Variants in TENM2 observed in about 807,000 individuals in gnomAD.
The protein encoded by TENM2 is teneurin transmembrane protein 2.
Under a neutral mutation model 245.2 loss-of-function variants are expected in TENM2, and 52 were observed. The observed-to-expected ratio is 0.21, with a 90% CI of 0.17 to 0.27. The LOEUF (loss-of-function observed/expected upper bound fraction) is 0.27, where lower values mean the gene tolerates loss of function less well. TENM2 is among the 10% of genes least tolerant of loss of function. TENM2 has a pLI of 1.00. For missense variants in TENM2, 3,046 were observed against 3,666.8 expected, an observed-to-expected ratio of 0.83 and a Z score of 4.37; for synonymous variants, 1,363 against 1,438.9, an observed-to-expected ratio of 0.95 and a Z score of 1.19.
intron 2 of TENM2, among the ~76,000 whole-genome samples, chr5:167,418,827 T>C (rs972886533): frequency 6.6e-6 from 1 of 152,106 alleles, no homozygotes; most frequent in Non-Finnish European, 1.5e-5. Flanking sequence ...TAAAAGCAAT[T>C]AGTGATGTGG....
the TENM2 span, among the ~76,000 whole-genome samples, chr5:167,249,511 T>G: frequency 6.6e-6 from 1 of 152,134 alleles, no homozygotes; most frequent in Non-Finnish European, 1.5e-5. Context: ...GTCCTTATAT[T>G]CGACAAGTAT....
chr5:167,384,301 A>C (rs906076942), intron 2 of TENM2, among the ~76,000 whole-genome samples: 12 of 152,150 alleles, frequency 7.9e-5, no homozygotes, highest in African/African-American at 2.7e-4. Flanking sequence ...AAGCTTTGAG[A>C]AGGTATGGTT....
intron 9 of TENM2, among the ~76,000 whole-genome samples, chr5:168,116,940 C>T (rs1028976584): frequency 2.0e-5 from 3 of 152,172 alleles, no homozygotes; most frequent in Admixed American, 1.3e-4. Context: ...ACACCTGCAT[C>T]CGTCATTTCT....
intron 2 of TENM2, among the ~76,000 whole-genome samples, chr5:167,599,887 C>A (rs186242643): frequency 5.9e-5 from 9 of 152,026 alleles, no homozygotes; most frequent in Admixed American, 3.9e-4. Context: ...TGGCTCACAC[C>A]TGCAGTCTCC....
chr5:167,665,265 C>A (rs1755494522), intron 2 of TENM2, among the ~76,000 whole-genome samples: 1 of 152,190 alleles, frequency 6.6e-6, no homozygotes, highest in South Asian at 2.1e-4. Context: ...CAAGGCTTGG[C>A]ATACAGTAAA....
the TENM2 span, among the ~76,000 whole-genome samples, chr5:167,102,783 C>T: frequency 6.6e-6 from 1 of 152,258 alleles, no homozygotes; most frequent in Middle Eastern, 3.4e-3. Flanking sequence ...CTCAGCCTCC[C>T]GAGTAGCTGG....
chr5:168,212,327 G>A (rs1762855844), intron 20 of TENM2, among the ~76,000 whole-genome samples: 1 of 152,106 alleles, frequency 6.6e-6, no homozygotes, highest in African/African-American at 2.4e-5. Context: ...AAACCGCCTT[G>A]GTCATTACAT....
chr5:167,310,918 G>T (rs1252717332), intron 1 of TENM2, among the ~76,000 whole-genome samples: 1 of 152,106 alleles, frequency 6.6e-6, no homozygotes, highest in Non-Finnish European at 1.5e-5. Context: ...CAACAGCTAG[G>T]GACTTAGTAT....
intron 2 of TENM2, among the ~76,000 whole-genome samples, chr5:167,538,853 A>G (rs533052294): frequency 2.0e-5 from 3 of 152,270 alleles, no homozygotes; most frequent in African/African-American, 7.2e-5. Flanking sequence ...AGGAGAAACC[A>G]TGTCGAAACG....
chr5:167,320,981 A>G (rs1756680628), intron 1 of TENM2, among the ~76,000 whole-genome samples: 1 of 152,120 alleles, frequency 6.6e-6, no homozygotes, highest in African/African-American at 2.4e-5. Flanking sequence ...CATACCTGCA[A>G]TGCTGATTTC....
chr5:168,149,811 C>G (rs189099697), intron 12 of TENM2, among the ~76,000 whole-genome samples: 1 of 152,354 alleles, frequency 6.6e-6, no homozygotes, highest in Non-Finnish European at 1.5e-5. Context: ...CTACCCCTCA[C>G]TCACTCTGCT....
At chr5:167,602,681 T>C (rs1776724447) in intron 2 of TENM2, among the ~76,000 whole-genome samples, 1 of 152,190 alleles carries the variant, frequency 6.6e-6, no homozygotes, top group Admixed American at 6.5e-5. Flanking sequence ...GTTATATAGA[T>C]GATGCCTTGG....
At chr5:168,116,895 A>C (rs935783945) in intron 9 of TENM2, among the ~76,000 whole-genome samples, 11 of 152,224 alleles carry the variant, frequency 7.2e-5, no homozygotes, top group African/African-American at 2.7e-4. Context: ...GAACCTGTGC[A>C]TTCCAAACCA....
intron 3 of TENM2, among the ~76,000 whole-genome samples, chr5:167,880,340 G>T (rs1307474691): frequency 6.6e-6 from 1 of 151,926 alleles, no homozygotes; most frequent in Non-Finnish European, 1.5e-5. Flanking sequence ...GCCAACAGTT[G>T]TTAAAAAAAA....
At chr5:167,605,911 A>G (rs1453100291) in intron 2 of TENM2, among the ~76,000 whole-genome samples, 1 of 152,184 alleles carries the variant, frequency 6.6e-6, no homozygotes, top group Admixed American at 6.5e-5. Flanking sequence ...TTCCCAGGTT[A>G]GGGATAGAGC....
chr5:167,598,166 C>A (rs1561586892), intron 2 of TENM2, among the ~76,000 whole-genome samples: 1 of 152,200 alleles, frequency 6.6e-6, no homozygotes, highest in African/African-American at 2.4e-5. Context: ...ACCAGGAGAG[C>A]AGATTGATAT....
intron 20 of TENM2, 174 bp from the exon 23 acceptor site, chr5:168,214,866 A>G (rs1763055239): frequency 1.4e-6 from 1 of 698,270 alleles, no homozygotes; most frequent in Non-Finnish European, 2.6e-6. Context: ...AGAAGTAGCT[A>G]AGAACCATGA....
the TENM2 span, among the ~76,000 whole-genome samples, chr5:167,023,888 T>C: frequency 6.6e-6 from 1 of 152,192 alleles, no homozygotes; most frequent in Non-Finnish European, 1.5e-5. Context: ...ACTGATTTGT[T>C]TTTAGGTCAA....
chr5:167,536,863 T>C (rs889474006), intron 2 of TENM2, among the ~76,000 whole-genome samples: 7 of 149,992 alleles, frequency 4.7e-5, no homozygotes, highest in South Asian at 2.1e-4. Flanking sequence ...ACTAAAAATA[T>C]AAAAACAAAA....
Sources: gnomAD v4.1 joint callset for allele counts (sites outside exome capture counted in the v4.1 genomes callset) on GRCh38, gnomAD v4.1.1 for gene constraint, MANE v1.5 for transcripts, NCBI Gene and HGNC (gene_info 2026-07-23, HGNC 2026-07-21) for gene names.